The following ARID4B variants were observed in gnomAD, a reference collection of about 807,000 sequenced individuals.
ARID4B encodes the protein AT-rich interaction domain 4B.
In ARID4B, 26 loss-of-function variants were observed where a neutral mutation model predicts 147.5. That is an observed-to-expected ratio of 0.18 (90% confidence interval 0.13 to 0.24). ARID4B has a LOEUF of 0.24. Among genes scored for constraint, ARID4B ranks in the 10% least tolerant of loss-of-function variants. The probability of loss-of-function intolerance (pLI) is 1.00; values close to 1 mark genes in which losing one functional copy is unlikely to be tolerated. For synonymous variants in ARID4B, 512 were observed against 507.9 expected (o/e 1.01, Z -0.11); for missense variants, 1,179 against 1,511.5 (o/e 0.78, Z 3.65).
rs1668909074 is a variant in ARID4B, at chr1:235,240,418, A to G, written c.480T>C (p.Asp160=). ...TCTGTTTCCTATCATCCTCATCTTC[A>G]TCACTGGAGGATGATGAAGACTCTT... The part of the protein sequence containing the change: ...PEEESSSSSS[D]EDEDDRKQID... Residue 160 remains aspartate (D), a synonymous_variant, in exon 8 of 24, where the codon GAT becomes GAC. Coordinates refer to ENST00000264183, the MANE Select transcript of ARID4B (RefSeq NM_016374.6). 1.2e-6 allele frequency: 2 copies of G among 1,613,258 alleles called. No individual in the cohort carries two copies. Among genetic ancestry groups the G allele is most frequent in the Admixed American group, 3.3e-5 (2 of 59,960 alleles).
At position 235,196,126 on chromosome 1, in the gene ARID4B, AG is replaced by A. The variant is rs1297262554; in HGVS notation, c.1842-12del. 7.2e-7 allele frequency: 1 copy of A among 1,397,450 alleles called. No homozygotes were observed. Among genetic ancestry groups the A allele is most frequent in the Non-Finnish European group, 1.0e-6 (1 of 1,004,090 alleles). 86.6% of individuals were successfully genotyped at this position (1,397,450 alleles called of 1,614,324 possible). Reference sequence around the variant, plus strand: ...ATCCATTCATCGTATCTAAAATTAAAGGAAATTAATATAAATATGTACAATA... The same window carrying A: ...ATCCATTCATCGTATCTAAAATTAAAGAAATTAATATAAATATGTACAATA... On this transcript the variant is annotated splice_polypyrimidine_tract_variant and intron_variant, in intron 17 of 23. Coordinates refer to ENST00000264183, the MANE Select transcript of ARID4B (RefSeq NM_016374.6).
chr1:235,275,022 T>TGC (rs1203617990), intron 2 of ARID4B, among the ~76,000 whole-genome samples: 1 of 148,720 alleles, frequency 6.7e-6, no homozygotes, highest in Non-Finnish European at 1.5e-5. Flanking sequence ...TGTGTGTGTG[T>TGC]GCACGCGCGC....
At chr1:235,168,688 A>C in intron 23 of ARID4B, 36 bp from the exon 24 acceptor site, 1 of 1,593,558 alleles carries the variant, frequency 6.3e-7, no homozygotes, top group African/African-American at 1.3e-5. Flanking sequence ...GAGCTTAATA[A>C]AAATTTATGT....
intron 17 of ARID4B, among the ~76,000 whole-genome samples, chr1:235,205,102 T>C (rs1666223159): frequency 6.6e-6 from 1 of 152,206 alleles, no homozygotes; most frequent in Non-Finnish European, 1.5e-5. Flanking sequence ...CCTTGCTTTC[T>C]ATCATTACCA....
chr1:235,208,806 C>T (rs1446454255), intron 17 of ARID4B, among the ~76,000 whole-genome samples: 4 of 152,108 alleles, frequency 2.6e-5, no homozygotes, highest in East Asian at 1.9e-4. Flanking sequence ...CGTGAGCCAC[C>T]GTGCCCGGCC....
At chr1:235,211,827 T>C (rs1666737492) in intron 17 of ARID4B, among the ~76,000 whole-genome samples, 1 of 152,222 alleles carries the variant, frequency 6.6e-6, no homozygotes, top group African/African-American at 2.4e-5. Context: ...TTCGGTAAGA[T>C]AATTTAGTAA....
chr1:235,327,154 AC>A, intron 1 of ARID4B, 186 bp from the exon 2 acceptor site: 1 of 536,356 alleles, frequency 1.9e-6, no homozygotes, highest in East Asian at 3.2e-5. Context: ...AAACCCAACC[AC>A]CTACACAGCT....
At chr1:235,221,886 A>ATTTTTTTTTTTTTTTTTTTTTTTTTTT (rs768600040) in intron 13 of ARID4B, among the ~76,000 whole-genome samples, 4 of 53,660 alleles carry the variant, frequency 7.5e-5, no homozygotes, top group Admixed American at 2.5e-4. Flanking sequence ...TCATTTGACT[A>ATTTTTTTTTTTTTTTTTTTTTTTTTTT]TTTTTTTTTT....
At chr1:235,248,330 A>C (rs1028450461) in intron 6 of ARID4B, among the ~76,000 whole-genome samples, 1 of 152,200 alleles carries the variant, frequency 6.6e-6, no homozygotes, top group Admixed American at 6.5e-5. Context: ...GATTACAGGC[A>C]TGAGCCACCA....
intron 18 of ARID4B, 135 bp downstream of exon 18, chr1:235,195,896 T>C: frequency 1.6e-6 from 1 of 609,392 alleles, no homozygotes; most frequent in Non-Finnish European, 2.9e-6. Flanking sequence ...CTGACAAAAT[T>C]AATTATATAC....
intron 2 of ARID4B, among the ~76,000 whole-genome samples, chr1:235,263,293 G>A (rs961373278): frequency 2.6e-5 from 4 of 152,088 alleles, no homozygotes; most frequent in African/African-American, 9.7e-5. Flanking sequence ...AAAAATTTAG[G>A]AATTGATACA....
In ARID4B at chr1:235,182,611, C is replaced by A. The variant is rs1379290217; in HGVS notation, c.2308G>T (p.Val770Leu). ...LEENKVHADL[V>L]ISKPVSKSPE... ...GATTTTGACACTGGTTTGGATATTA[C>A]CAAATCTGCATGAACTTTGTTTTCT... The change falls in exon 20 of 24, where the codon GTA (valine) becomes TTA (leucine). Residue 770 changes from valine to leucine, a missense_variant. By Grantham distance (32) the Val-to-Leu change is conservative (BLOSUM62 1). This residue lies in a region of ARID4B where 321 missense variants were observed against 342.4 expected (regional missense o/e 0.94). Coordinates refer to ENST00000264183, the MANE Select transcript of ARID4B (RefSeq NM_016374.6). The A allele has an allele frequency of 7.4e-6, 12 of 1,613,386 alleles. No homozygotes were observed. Among genetic ancestry groups the A allele is most frequent in the Non-Finnish European group, 1.0e-5 (12 of 1,179,908 alleles).
At chr1:235,188,808 C>T (rs1664869331) in intron 19 of ARID4B, among the ~76,000 whole-genome samples, 1 of 152,046 alleles carries the variant, frequency 6.6e-6, no homozygotes, top group South Asian at 2.1e-4. Context: ...ACCAGATCAC[C>T]CGATAGTGAA....
intron 2 of ARID4B, among the ~76,000 whole-genome samples, chr1:235,316,021 T>A (rs1674402017): frequency 6.6e-6 from 1 of 151,790 alleles, no homozygotes; most frequent in Admixed American, 6.6e-5. Flanking sequence ...TCTCATAAAT[T>A]AAATTAAATT....
At chr1:235,231,289 A>C (rs533835159) in intron 9 of ARID4B, 100 bp from the exon 10 acceptor site, 2 of 639,464 alleles carry the variant, frequency 3.1e-6, no homozygotes, top group South Asian at 4.9e-5. Context: ...AAGATACTGA[A>C]AATATGGGAA....
intron 17 of ARID4B, among the ~76,000 whole-genome samples, chr1:235,212,472 GTTGCTAT>G (rs1023485022): frequency 1.3e-4 from 20 of 152,156 alleles, no homozygotes; most frequent in South Asian, 1.2e-3. Context: ...CATGACTTAA[GTTGCTAT>G]TTGCTATTTG....
In ARID4B at chr1:235,173,706, T is replaced by C. The variant is rs183785931; in HGVS notation, c.3665-942A>G. On this transcript the variant is annotated intron_variant, in intron 22 of 23. Coordinates refer to ENST00000264183, the MANE Select transcript of ARID4B (RefSeq NM_016374.6). Reference sequence around the variant, plus strand: ...CAGTCTTGAGCTCAGGAGTTCAAGATTAGCCTGGGCAACATAATGAGACCT... The same window carrying C: ...CAGTCTTGAGCTCAGGAGTTCAAGACTAGCCTGGGCAACATAATGAGACCT... 5.6e-4 allele frequency among the ~76,000 whole-genome samples: 66 copies of C among 117,124 alleles called. No homozygotes were observed. In the East Asian group the frequency reaches 0.017, roughly 30 times the overall value. The allele number at this position is 117,124 out of a possible 152,430, so 76.8% of individuals were successfully genotyped here. A position where few individuals can be genotyped will look rare whatever the true frequency, so the allele number is the denominator to read the frequency against.
At chr1:235,234,335 T>C in intron 9 of ARID4B, 78 bp downstream of exon 9, 1 of 907,230 alleles carries the variant, frequency 1.1e-6, no homozygotes, top group Non-Finnish European at 1.7e-6. Flanking sequence ...AATAACTAAT[T>C]AATCATTTAA....
At chr1:235,181,418 C>T in intron 20 of ARID4B, 167 bp downstream of exon 20, 1 of 913,744 alleles carries the variant, frequency 1.1e-6, no homozygotes, top group Non-Finnish European at 1.6e-6. Context: ...CTTTTAAATG[C>T]ATTCCACTAT....
Sources: allele counts gnomAD v4.1 joint callset (sites outside exome capture counted in the v4.1 genomes callset), GRCh38; gene constraint gnomAD v4.1.1; regional missense constraint gnomAD v4.1.1; transcripts MANE v1.5; gene names NCBI Gene and HGNC (gene_info 2026-07-23, HGNC 2026-07-21).